SLCO2A1: variants seen among roughly 807,000 people sequenced by gnomAD.
SLCO2A1 encodes solute carrier organic anion transporter family member 2A1.
In SLCO2A1, 60 loss-of-function variants were observed where a neutral mutation model predicts 71.7. The observed-to-expected ratio is 0.84, with a 90% CI of 0.68 to 1.04. The LOEUF (loss-of-function observed/expected upper bound fraction) is 1.04. Ranked by LOEUF, SLCO2A1 falls within the 50% of genes least tolerant of loss-of-function variation. The pLI is 0.00. For synonymous variants in SLCO2A1, 308 were observed against 326.7 expected (o/e 0.94, Z 0.62); for missense variants, 745 against 813.4 (o/e 0.92, Z 1.02).
intron 5 of SLCO2A1, among the ~76,000 whole-genome samples, chr3:133,952,884 C>A (rs985695114): frequency 6.6e-6 from 1 of 152,130 alleles, no homozygotes; most frequent in Admixed American, 6.5e-5. Context: ...GCAGTCCCGT[C>A]CCAGCGCCCA....
At position 133,953,702 on chromosome 3, in the gene SLCO2A1, T is replaced by A. The variant is rs1425246187; in HGVS notation, c.685A>T (p.Met229Leu). The A allele has an allele frequency of 6.2e-7, 1 of 1,613,976 alleles. No homozygotes were observed. Among genetic ancestry groups the A allele is most frequent in the East Asian group, 2.2e-5 (1 of 44,890 alleles). ...PAFGYLLGSV[M>L]LQIFVDYGRV... ...CCATAGTCCACAAAGATCTGCAGCATGACAGAGCCCAGCAGGTACCCGAAA... is the reference window on the plus strand; with the variant it reads ...CCATAGTCCACAAAGATCTGCAGCAAGACAGAGCCCAGCAGGTACCCGAAA... Residue 229 changes from methionine to leucine, a missense_variant, in exon 5 of 14, where the codon ATG (methionine) becomes TTG (leucine). Coordinates refer to ENST00000310926, the MANE Select transcript of SLCO2A1 (RefSeq NM_005630.3).
chr3:133,967,381 G>C (rs1174806448), intron 3 of SLCO2A1, among the ~76,000 whole-genome samples: 1 of 152,210 alleles, frequency 6.6e-6, no homozygotes, highest in Admixed American at 6.5e-5. Context: ...CCTCAGAGAG[G>C]CTGTCACACC....
At chr3:133,964,822 C>T (rs1337226526) in intron 3 of SLCO2A1, among the ~76,000 whole-genome samples, 4 of 152,184 alleles carry the variant, frequency 2.6e-5, no homozygotes, top group Admixed American at 6.5e-5. Flanking sequence ...ACTGTGCATG[C>T]CCAACAAGGC....
chr3:133,945,091 T>C lies in SLCO2A1; in HGVS notation c.1461+4A>G. 6.2e-7 allele frequency: 1 copy of C among 1,610,868 alleles called. No individual in the cohort carries two copies. The highest frequency in any genetic ancestry group is 8.5e-7 in the Non-Finnish European group (1 of 1,178,504). On this transcript the variant is annotated splice_donor_region_variant and intron_variant, in intron 10 of 13. Transcript: ENST00000310926. Reference sequence around the variant, plus strand: ...TCTTGCCTCTGGACCCTGGCTGCCCTTACCAGTTGCTTGGAGGTTGCAGAG... The same window carrying C: ...TCTTGCCTCTGGACCCTGGCTGCCCCTACCAGTTGCTTGGAGGTTGCAGAG...
At chr3:133,965,263 CT>C (rs1318017775) in intron 3 of SLCO2A1, among the ~76,000 whole-genome samples, 1 of 152,202 alleles carries the variant, frequency 6.6e-6, no homozygotes, top group Non-Finnish European at 1.5e-5. Context: ...TGGAAGAAGC[CT>C]TTTGACAAAG....
intron 1 of SLCO2A1, among the ~76,000 whole-genome samples, chr3:134,017,065 AC>A (rs1305024635): frequency 2.0e-5 from 3 of 152,192 alleles, no homozygotes; most frequent in African/African-American, 7.2e-5. Flanking sequence ...GTGACTATAA[AC>A]GGGTCAGCAC....
chr3:133,993,149 C>T (rs1352566299), intron 1 of SLCO2A1, among the ~76,000 whole-genome samples: 3 of 152,248 alleles, frequency 2.0e-5, no homozygotes, highest in Non-Finnish European at 2.9e-5. Flanking sequence ...CTCTTGCACC[C>T]GCTGACCTGT....
At chr3:133,936,341 A>C (rs1359369426) in intron 12 of SLCO2A1, among the ~76,000 whole-genome samples, 1 of 152,168 alleles carries the variant, frequency 6.6e-6, no homozygotes, top group Non-Finnish European at 1.5e-5. Flanking sequence ...AACACAGCCA[A>C]GAGAAGTCAA....
At chr3:133,967,289 G>C (rs999508794) in intron 3 of SLCO2A1, among the ~76,000 whole-genome samples, 6 of 152,216 alleles carry the variant, frequency 3.9e-5, no homozygotes, top group African/African-American at 1.4e-4. Flanking sequence ...GCCAAGGGGA[G>C]TTGTGCCTTG....
intron 1 of SLCO2A1, among the ~76,000 whole-genome samples, chr3:133,989,176 G>C (rs900349466): frequency 6.6e-6 from 1 of 152,204 alleles, no homozygotes; most frequent in Non-Finnish European, 1.5e-5. Context: ...CAGATAAAGG[G>C]AAGAACCTCA....
At chr3:133,997,606 G>A (rs561782240) in intron 1 of SLCO2A1, among the ~76,000 whole-genome samples, 1 of 152,362 alleles carries the variant, frequency 6.6e-6, no homozygotes, top group Admixed American at 6.5e-5. Context: ...AGCAAGGAGA[G>A]AGTCCTGGAA....
At chr3:133,982,493 A>G (rs968810881) in intron 1 of SLCO2A1, among the ~76,000 whole-genome samples, 7 of 152,028 alleles carry the variant, frequency 4.6e-5, no homozygotes, top group African/African-American at 1.7e-4. Flanking sequence ...CCTCAAACTA[A>G]TCACTTCCCA....
intron 6 of SLCO2A1, 104 bp from the exon 7 acceptor site, chr3:133,949,075 G>C (rs887112398): frequency 1.0e-6 from 1 of 960,008 alleles, no homozygotes; most frequent in Non-Finnish European, 1.7e-6. Flanking sequence ...GCTGGGTGGA[G>C]GTGAGCCCCC....
Position 133,973,687 on chromosome 3 carries a change from A to G in SLCO2A1, c.373T>C (p.Tyr125His). 1.9e-6 allele frequency: 3 copies of G among 1,613,924 alleles called. No individual in the cohort carries two copies. The highest frequency in any genetic ancestry group is 1.1e-5 in the South Asian group (1 of 91,032). ...CCAGTGCTGGCCAAGGTGTACTGGTAGGGCTCGGAGAGGAAGTGTGGGAGG... is the reference window on the plus strand; with the variant it reads ...CCAGTGCTGGCCAAGGTGTACTGGTGGGGCTCGGAGAGGAAGTGTGGGAGG... ...LTLPHFLSEP[Y>H]QYTLASTGNN... The change falls in exon 3 of 14, where the codon TAC (tyrosine) becomes CAC (histidine). Residue 125 changes from tyrosine (Y) to histidine (H), a missense_variant. Coordinates refer to ENST00000310926, the MANE Select transcript of SLCO2A1 (RefSeq NM_005630.3).
chr3:133,945,306 A>G lies in SLCO2A1; in HGVS notation c.1296-46T>C, dbSNP rs773583191. The G allele has an allele frequency of 3.2e-6, 5 of 1,557,666 alleles. No individual in the cohort carries two copies. The South Asian group carries it at 4.9e-5, about 15-fold the overall frequency. ...GGGGAATCAAACAAAGCAAGACCAA[A>G]GAAAAACCCTACACTCCAGCCCAGT... On this transcript the variant is annotated intron_variant, in intron 9 of 13. Transcript: ENST00000310926.
At chr3:133,983,409 C>T (rs569950908) in intron 1 of SLCO2A1, among the ~76,000 whole-genome samples, 8 of 152,214 alleles carry the variant, frequency 5.3e-5, no homozygotes, top group Non-Finnish European at 1.0e-4. Flanking sequence ...AATGAGCTAC[C>T]CCAATGAGCC....
chr3:133,973,264 G>A (rs929944660), intron 3 of SLCO2A1, among the ~76,000 whole-genome samples: 1 of 152,238 alleles, frequency 6.6e-6, no homozygotes, highest in African/African-American at 2.4e-5. Context: ...GATCGTGCAA[G>A]TGCACTGTCA....
chr3:133,953,672 C>G lies in SLCO2A1; in HGVS notation c.715G>C (p.Val239Leu), dbSNP rs748254349. The G allele has an allele frequency of 6.2e-7, 1 of 1,614,042 alleles. No individual in the cohort carries two copies. Among genetic ancestry groups the G allele is most frequent in the Non-Finnish European group, 8.5e-7 (1 of 1,179,934 alleles). The change falls in exon 5 of 14, where the codon GTC becomes CTC. Residue 239 changes from valine (V) to leucine (L), a missense_variant. Physicochemically the swap from Val to Leu is conservative, Grantham distance 32. Transcript: ENST00000310926. ...CTCTGCACATACTCACCTGTGTTGA[C>G]CCTGCCATAGTCCACAAAGATCTGC... ...MLQIFVDYGR[V>L]NTAAVNLVPG...
At chr3:133,938,375 A>G (rs764217222) in intron 12 of SLCO2A1, 54 bp downstream of exon 12, 14 of 1,480,842 alleles carry the variant, frequency 9.5e-6, no homozygotes, top group Non-Finnish European at 1.3e-5. Context: ...CATAGCCTTC[A>G]GATGCCCCAT....
Sources: gnomAD v4.1 joint callset for allele counts (sites outside exome capture counted in the v4.1 genomes callset) on GRCh38, gnomAD v4.1.1 for gene constraint, MANE v1.5 for transcripts, NCBI Gene and HGNC (gene_info 2026-07-23, HGNC 2026-07-21) for gene names.